The following NAV2 variants were observed in gnomAD, a reference collection of about 807,000 sequenced individuals.
NAV2 encodes helicase, APC down-regulated 1.
NAV2 carries 54 observed loss-of-function variants against 223.2 expected under a neutral mutation model. That is an observed-to-expected ratio of 0.24 (90% CI 0.19 to 0.30). The LOEUF (loss-of-function observed/expected upper bound fraction) is 0.30. NAV2 is among the 10% of genes least tolerant of loss of function. NAV2 has a pLI of 1.00. For missense variants in NAV2, 2,806 were observed against 3,147.5 expected (o/e 0.89, Z 2.60); for synonymous variants, 1,279 against 1,239.3 (o/e 1.03, Z -0.67).
In NAV2 at chr11:19,842,851, A is replaced by T; in HGVS notation, c.386-20A>T. 2 of 1,613,286 alleles carry T rather than the reference A, an allele frequency of 1.2e-6. No homozygotes were observed. The highest frequency in any genetic ancestry group is 4.5e-5 in the East Asian group (2 of 44,868). ...GTCTCTCTGGTGATTTATTTTTCTGACTTGTGTTTCCTTTTTCAGCAAATG... is the reference window on the plus strand; with the variant it reads ...GTCTCTCTGGTGATTTATTTTTCTGTCTTGTGTTTCCTTTTTCAGCAAATG... On this transcript the variant is annotated intron_variant, in intron 2 of 37. Transcript: ENST00000349880.
intron 1 of NAV2, among the ~76,000 whole-genome samples, chr11:19,667,237 A>T (rs1318693219): frequency 1.3e-5 from 2 of 152,252 alleles, no homozygotes; most frequent in African/African-American, 4.8e-5. Flanking sequence ...GTAGACGTTG[A>T]ACAATTATTC....
intron 1 of NAV2, among the ~76,000 whole-genome samples, chr11:19,598,322 G>T (rs750920266): frequency 1.3e-5 from 2 of 152,256 alleles, no homozygotes; most frequent in Non-Finnish European, 2.9e-5. Flanking sequence ...GTAGCCATCC[G>T]TGAGCCGAGG....
intron 1 of NAV2, among the ~76,000 whole-genome samples, chr11:19,735,243 T>C (rs1425227): frequency 0.35 from 52,518 of 152,018 alleles, 9,718 homozygotes; most frequent in African/African-American, 0.49. Context: ...GGCAGCTAGG[T>C]GTTCCCAGTT....
At chr11:19,919,405 T>C (rs937171426) in intron 6 of NAV2, among the ~76,000 whole-genome samples, 1 of 151,910 alleles carries the variant, frequency 6.6e-6, no homozygotes, top group Non-Finnish European at 1.5e-5. Flanking sequence ...AGTGACTGAG[T>C]CACCACTCCA....
rs1343121378 is a variant in NAV2 at position 20,120,755 on chromosome 11, T to C, written c.*2497T>C. 1 of 152,478 alleles carries C rather than the reference T, an allele frequency of 6.6e-6. No individual in the cohort carries two copies. The highest frequency in any genetic ancestry group is 2.4e-5 in the African/African-American group (1 of 41,444). 9.4% of individuals were successfully genotyped at this position (152,478 alleles called of 1,614,324 possible). ...AGCCCTTGTGTGACTCACAACTCCG[T>C]GTCCTTCCTAAAGTTTCGGGAAGCA... On this transcript the variant is annotated 3_prime_UTR_variant, in exon 38 of 38. Coordinates refer to ENST00000349880, the MANE Select transcript of NAV2 (RefSeq NM_145117.5).
chr11:19,759,677 A>G (rs537641494), intron 1 of NAV2, among the ~76,000 whole-genome samples: 3 of 152,314 alleles, frequency 2.0e-5, no homozygotes, highest in African/African-American at 7.2e-5. Context: ...TTTCTTGGGC[A>G]AATTGCTTTA....
chr11:20,055,976 A>G lies in NAV2; in HGVS notation c.4831+19A>G, dbSNP rs764086694. ...GAAGAAGGTAAGGAAGGAAAGGAAG[A>G]AGGTAAGGAAGGAAACTTCCATCTC... On this transcript the variant is annotated intron_variant, in intron 19 of 37. Transcript: ENST00000349880. 2.6e-5 allele frequency: 41 copies of G among 1,603,902 alleles called. No homozygotes were observed. Among genetic ancestry groups the G allele is most frequent in the Non-Finnish European group, 3.3e-5 (39 of 1,176,904 alleles).
chr11:20,053,218 GAAAAAAAAA>G (rs60421659), intron 17 of NAV2, among the ~76,000 whole-genome samples: 10 of 40,970 alleles, frequency 2.4e-4, no homozygotes, highest in East Asian at 8.4e-4. Context: ...ACTACGTCTC[GAAAAAAAAA>G]AAAAAAAAAA....
chr11:19,768,544 A>T (rs1156321305), intron 1 of NAV2, among the ~76,000 whole-genome samples: 1 of 152,096 alleles, frequency 6.6e-6, no homozygotes, highest in Admixed American at 6.6e-5. Context: ...CCTGGCCTAG[A>T]GAAGATTTGG....
At position 20,074,760 on chromosome 11, in the gene NAV2, C is replaced by CCTTTTTTT. The variant is rs56895607; in HGVS notation, c.4984-2792_4984-2791insCTTTTTTT. Among the ~76,000 whole-genome samples the CCTTTTTTT allele has an allele frequency of 1.2e-3, 130 of 110,194 alleles. 1 individual carries two copies. Among genetic ancestry groups the CCTTTTTTT allele is most frequent in the South Asian group, 1.7e-3 (5 of 2,860 alleles). 72.3% of individuals were successfully genotyped at this position (110,194 alleles called of 152,430 possible). A position where few individuals can be genotyped will look rare whatever the true frequency, so the allele number is the denominator to read the frequency against. ...ATTGGAGACTAGGATTGCAACTCTGCTTTTTTTTTTTTTTTTGCTTTCCAT... is the reference window on the plus strand; with the variant it reads ...ATTGGAGACTAGGATTGCAACTCTGCCTTTTTTTTTTTTTTTTTTTTTTTGCTTTCCAT... On this transcript the variant is annotated intron_variant, in intron 22 of 37. Coordinates refer to ENST00000349880, the MANE Select transcript of NAV2 (RefSeq NM_145117.5).
chr11:19,503,125 C>T (rs1373378559), intron 1 of NAV2: 1 of 152,162 alleles, frequency 6.6e-6, no homozygotes, highest in African/African-American at 2.4e-5. Context: ...TTATATAATG[C>T]CTTTTTGAAT....
chr11:19,922,299 G>A (rs1482487605), intron 6 of NAV2, among the ~76,000 whole-genome samples: 4 of 151,918 alleles, frequency 2.6e-5, no homozygotes, highest in Non-Finnish European at 4.4e-5. Context: ...AAAAATTGAA[G>A]GGAAAGGAAA....
rs529873709 is a variant in NAV2 at position 19,902,699 on chromosome 11, A to C, written c.931+10105A>C. Among the ~76,000 whole-genome samples the C allele has an allele frequency of 8.7e-4, 133 of 152,292 alleles. 2 individuals are homozygous for C. Among genetic ancestry groups the C allele is most frequent in the Admixed American group, 3.7e-3 (57 of 15,294 alleles). On this transcript the variant is annotated intron_variant, in intron 6 of 37. Transcript: ENST00000349880. ...ATTTCAAGGATCATTGGGAGGGAGA[A>C]GTATTTACCTTTCTGGGTGCTCTCA...
chr11:19,811,350 C>T (rs1044314413), intron 1 of NAV2, among the ~76,000 whole-genome samples: 1 of 152,024 alleles, frequency 6.6e-6, no homozygotes, highest in African/African-American at 2.4e-5. Flanking sequence ...AGAGTGTCAC[C>T]CAGGCCTCAT....
chr11:19,457,995 G>A (rs568641644), intron 1 of NAV2, among the ~76,000 whole-genome samples: 85 of 152,280 alleles, frequency 5.6e-4, no homozygotes, highest in African/African-American at 1.9e-3. Context: ...AAGCCCAGTT[G>A]CCACTCCTTG....
At chr11:19,992,226 A>G (rs1025815585) in intron 11 of NAV2, among the ~76,000 whole-genome samples, 2 of 152,218 alleles carry the variant, frequency 1.3e-5, no homozygotes, top group African/African-American at 4.8e-5. Flanking sequence ...AATAATAACT[A>G]CATTGGCCTT....
chr11:20,008,861 C>A (rs1184217514), intron 11 of NAV2, among the ~76,000 whole-genome samples: 1 of 151,960 alleles, frequency 6.6e-6, no homozygotes, highest in Non-Finnish European at 1.5e-5. Context: ...ATGCTGGAAA[C>A]ATTTTTTATT....
intron 1 of NAV2, among the ~76,000 whole-genome samples, chr11:19,754,566 T>C (rs1023681584): frequency 2.0e-5 from 3 of 152,226 alleles, no homozygotes; most frequent in African/African-American, 7.2e-5. Flanking sequence ...TGCAGTAAGC[T>C]GGCAACTTTC....
chr11:19,898,297 A>T (rs921546973), intron 6 of NAV2, among the ~76,000 whole-genome samples: 1 of 152,210 alleles, frequency 6.6e-6, no homozygotes, highest in African/African-American at 2.4e-5. Flanking sequence ...AGAACCCTAC[A>T]TAGCCCCACC....
Sources: gnomAD v4.1 joint callset for allele counts (sites outside exome capture counted in the v4.1 genomes callset) on GRCh38, gnomAD v4.1.1 for gene constraint, MANE v1.5 for transcripts, NCBI Gene and HGNC (gene_info 2026-07-23, HGNC 2026-07-21) for gene names.